Variants in LRRTM4 observed in about 807,000 individuals in gnomAD.
The protein encoded by LRRTM4 is leucine-rich repeat transmembrane neuronal protein 4.
In LRRTM4, 25 loss-of-function variants were observed where a neutral mutation model predicts 47.6. That is an observed-to-expected ratio of 0.53 (90% CI 0.38 to 0.73). The LOEUF (loss-of-function observed/expected upper bound fraction) is 0.73, where lower values mean the gene tolerates loss of function less well. Among genes scored for constraint, LRRTM4 ranks in the 30% least tolerant of loss-of-function variants. LRRTM4 has a pLI of 0.00. For synonymous variants in LRRTM4, 311 were observed against 269.5 expected (o/e 1.15, Z -1.51); for missense variants, 638 against 713.4 (o/e 0.89, Z 1.20).
At chr2:77,149,423 A>G (rs1672356972) in intron 3 of LRRTM4, among the ~76,000 whole-genome samples, 1 of 152,122 alleles carries the variant, frequency 6.6e-6, no homozygotes, top group Admixed American at 6.5e-5. Flanking sequence ...CTAAAGCTTC[A>G]TTAATTTCAC....
At chr2:77,260,924 A>T (rs1333505172) in intron 3 of LRRTM4, among the ~76,000 whole-genome samples, 1 of 152,136 alleles carries the variant, frequency 6.6e-6, no homozygotes, top group Non-Finnish European at 1.5e-5. Context: ...GTGCTAAGGC[A>T]ATAACTTCAA....
chr2:76,814,052 A>ACCT (rs1385247467), intron 3 of LRRTM4, among the ~76,000 whole-genome samples: 3 of 151,904 alleles, frequency 2.0e-5, no homozygotes, highest in African/African-American at 7.2e-5. Flanking sequence ...ACTTTTGATG[A>ACCT]CTTTGAACGT....
intron 3 of LRRTM4, among the ~76,000 whole-genome samples, chr2:76,783,742 T>A (rs1214526862): frequency 6.6e-6 from 1 of 152,162 alleles, no homozygotes; most frequent in Non-Finnish European, 1.5e-5. Context: ...CGTACAAACC[T>A]TTTGCTCCAC....
At chr2:76,864,185 C>CT (rs74959594) in intron 3 of LRRTM4, among the ~76,000 whole-genome samples, 41,554 of 152,014 alleles carry the variant, frequency 0.27, 6,463 homozygotes, top group East Asian at 0.59. Flanking sequence ...TAAACTAACT[C>CT]TATTTGTTTT....
Position 76,995,538 on chromosome 2 carries a change from G to C in LRRTM4, c.1552-246622C>G, listed in dbSNP as rs531541098. Among the ~76,000 whole-genome samples, 6 of 151,980 alleles carry C rather than the reference G, an allele frequency of 3.9e-5. No individual in the cohort carries two copies. The East Asian group carries it at 1.2e-3, about 30-fold the overall frequency. ...AGATCAAATTCTGGGGGAGGCAAAC[G>C]GGGGACTGGCTCTATCAAAGTAAAA... On this transcript the variant is annotated intron_variant, in intron 3 of 3. Transcript: ENST00000409884.
chr2:76,975,108 T>C (rs1676374313), intron 3 of LRRTM4, among the ~76,000 whole-genome samples: 1 of 151,696 alleles, frequency 6.6e-6, no homozygotes, highest in African/African-American at 2.4e-5. Flanking sequence ...AAAGCCCTAA[T>C]TGGTGACACT....
chr2:76,760,626 G>A (rs185678713), intron 3 of LRRTM4, among the ~76,000 whole-genome samples: 2 of 152,014 alleles, frequency 1.3e-5, no homozygotes, highest in African/African-American at 2.4e-5. Context: ...GTCAAATCTC[G>A]GTGTATCCAA....
chr2:76,793,862 C>G (rs1470952377), intron 3 of LRRTM4, among the ~76,000 whole-genome samples: 1 of 152,148 alleles, frequency 6.6e-6, no homozygotes, highest in Non-Finnish European at 1.5e-5. Context: ...AAGAAGGTCA[C>G]AAATACAATT....
chr2:77,452,105 A>G (rs1676276781), intron 3 of LRRTM4, among the ~76,000 whole-genome samples: 1 of 151,582 alleles, frequency 6.6e-6, no homozygotes, highest in South Asian at 2.1e-4. Context: ...ATTAAATGCA[A>G]TGGAAAGCCA....
chr2:76,850,371 G>C (rs1320130480), intron 3 of LRRTM4, among the ~76,000 whole-genome samples: 3 of 152,150 alleles, frequency 2.0e-5, no homozygotes, highest in Non-Finnish European at 4.4e-5. Context: ...CAGAACCTGG[G>C]AGTGTGGGAA....
chr2:76,840,597 A>T (rs1041909574), intron 3 of LRRTM4, among the ~76,000 whole-genome samples: 6 of 152,202 alleles, frequency 3.9e-5, no homozygotes, highest in Non-Finnish European at 7.3e-5. Flanking sequence ...AAAAAGACTT[A>T]AAAAAAGAAA....
intron 3 of LRRTM4, among the ~76,000 whole-genome samples, chr2:77,327,622 T>C (rs1451199344): frequency 6.6e-6 from 1 of 152,166 alleles, no homozygotes; most frequent in East Asian, 1.9e-4. Flanking sequence ...TTTTATGTAA[T>C]TACAGGATTT....
chr2:77,092,202 C>A (rs964629328), intron 3 of LRRTM4, among the ~76,000 whole-genome samples: 2 of 152,306 alleles, frequency 1.3e-5, no homozygotes, highest in Admixed American at 6.5e-5. Flanking sequence ...CCCACAATTA[C>A]TGTTGTTCCT....
chr2:77,195,867 T>C (rs1304193433), intron 3 of LRRTM4, among the ~76,000 whole-genome samples: 2 of 152,074 alleles, frequency 1.3e-5, no homozygotes, highest in African/African-American at 4.8e-5. Context: ...CAAACAAGGG[T>C]GTGTGGTCAC....
intron 3 of LRRTM4, among the ~76,000 whole-genome samples, chr2:77,489,014 TAA>T (rs1678034490): frequency 6.8e-6 from 1 of 146,182 alleles, no homozygotes; most frequent in African/African-American, 2.5e-5. Context: ...ATAAAAAAAA[TAA>T]GAGACTACCT....
chr2:77,517,160 T>C (rs1182070904), intron 3 of LRRTM4: 1 of 984,950 alleles, frequency 1.0e-6, no homozygotes, highest in East Asian at 1.1e-4. Flanking sequence ...GCATTACTTA[T>C]TGACAAGTTT....
chr2:76,908,145 A>G (rs2103769242), intron 3 of LRRTM4, among the ~76,000 whole-genome samples: 1 of 150,022 alleles, frequency 6.7e-6, no homozygotes, highest in Admixed American at 6.6e-5. Flanking sequence ...CTTATCCACC[A>G]TGATCAAGTG....
chr2:77,320,618 A>G (rs1677760634), intron 3 of LRRTM4, among the ~76,000 whole-genome samples: 1 of 152,198 alleles, frequency 6.6e-6, no homozygotes, highest in African/African-American at 2.4e-5. Context: ...GCCAGAACCA[A>G]AGAAAGAGAC....
intron 3 of LRRTM4, among the ~76,000 whole-genome samples, chr2:77,168,663 G>A (rs1014994777): frequency 6.6e-6 from 1 of 152,014 alleles, no homozygotes; most frequent in Admixed American, 6.6e-5. Context: ...ACTTCCAACT[G>A]TATGTTTGTA....
Sources: gnomAD v4.1 joint callset for allele counts (sites outside exome capture counted in the v4.1 genomes callset) on GRCh38, gnomAD v4.1.1 for gene constraint, MANE v1.5 for transcripts, NCBI Gene and HGNC (gene_info 2026-07-23, HGNC 2026-07-21) for gene names.